The following SLCO1B3 variants were observed in gnomAD, a reference collection of about 807,000 sequenced individuals.
SLCO1B3 encodes the protein liver-specific organic anion transporter 2.
In SLCO1B3, 72 loss-of-function variants were observed where a neutral mutation model predicts 71.8. The observed-to-expected ratio is 1.00, with a 90% CI of 0.83 to 1.22. The LOEUF is 1.22. Ranked by LOEUF, SLCO1B3 falls within the 50% of genes most tolerant of loss-of-function variation. SLCO1B3 has a pLI of 0.00. For synonymous variants in SLCO1B3, 298 were observed against 278.4 expected (o/e 1.07, Z -0.70); for missense variants, 911 against 819.7 (o/e 1.11, Z -1.36).
chr12:20,858,493 C>G lies in SLCO1B3; in HGVS notation c.281C>G (p.Pro94Arg). 2 of 1,598,724 alleles carry G rather than the reference C, an allele frequency of 1.3e-6. No homozygotes were observed. The highest frequency in any genetic ancestry group is 1.7e-6 in the Non-Finnish European group (2 of 1,166,304). The stretch of plus-strand genomic sequence containing the variant: ...TACTTTGGATCTAAACTACACAGAC[C>G]GAAGTTAATTGGAATTGGTTGTCTC... ...VSYFGSKLHR[P>R]KLIGIGCLLM... is the part of the protein sequence containing the mutation. The change falls in exon 5 of 16, where the codon CCG (proline) becomes CGG (arginine). Residue 94 changes from proline (P) to arginine (R), a missense_variant. Transcript: ENST00000381545.
intron 15 of SLCO1B3, among the ~76,000 whole-genome samples, chr12:20,915,217 T>A (rs1195092516): frequency 6.6e-6 from 1 of 152,138 alleles, no homozygotes; most frequent in African/African-American, 2.4e-5. Flanking sequence ...CTTTTTTTAT[T>A]GATATAAACT....
At chr12:20,869,021 A>G (rs7978712) in intron 8 of SLCO1B3, among the ~76,000 whole-genome samples, 110,016 of 151,932 alleles carry the variant, frequency 0.72, 42,447 homozygotes, top group South Asian at 0.9. Flanking sequence ...CGGACTAGGA[A>G]CGTGACCACT....
At chr12:20,831,930 A>G (rs777244537) in intron 3 of SLCO1B3, among the ~76,000 whole-genome samples, 1 of 152,198 alleles carries the variant, frequency 6.6e-6, no homozygotes, top group Non-Finnish European at 1.5e-5. Flanking sequence ...CCACAGTTCC[A>G]TCAACCAGAT....
At chr12:20,890,565 T>C (rs1469702090) in intron 13 of SLCO1B3, among the ~76,000 whole-genome samples, 1 of 152,200 alleles carries the variant, frequency 6.6e-6, no homozygotes, top group Non-Finnish European at 1.5e-5. Flanking sequence ...TGTAAAAGTT[T>C]CTTTGTCGAT....
intron 3 of SLCO1B3, among the ~76,000 whole-genome samples, chr12:20,829,697 A>G (rs555573101): frequency 6.6e-5 from 10 of 152,222 alleles, no homozygotes; most frequent in Non-Finnish European, 1.3e-4. Context: ...TTATTAAGAA[A>G]GTAAAGGAAT....
intron 15 of SLCO1B3, among the ~76,000 whole-genome samples, chr12:20,910,579 C>T (rs1252663266): frequency 1.3e-5 from 2 of 152,150 alleles, no homozygotes; most frequent in African/African-American, 4.8e-5. Context: ...TCTTACGATA[C>T]TGTACATGAA....
intron 3 of SLCO1B3, among the ~76,000 whole-genome samples, chr12:20,848,265 G>A (rs1864955313): frequency 6.6e-6 from 1 of 152,136 alleles, no homozygotes; most frequent in South Asian, 2.1e-4. Context: ...ATAGTGAATT[G>A]CCAATTCAAA....
intron 3 of SLCO1B3, among the ~76,000 whole-genome samples, chr12:20,850,255 A>ATTTTTTTT (rs1555154814): frequency 5.6e-5 from 7 of 124,396 alleles, no homozygotes; most frequent in Admixed American, 1.6e-4. Flanking sequence ...TATTATTATT[A>ATTTTTTTT]TTTTATTTAT....
chr12:20,880,576 TTC>T (rs1407461160), intron 11 of SLCO1B3, among the ~76,000 whole-genome samples: 2 of 152,212 alleles, frequency 1.3e-5, no homozygotes, highest in African/African-American at 4.8e-5. Flanking sequence ...CCTCTTTTAT[TTC>T]TTTTTTAATT....
In SLCO1B3 at chr12:20,860,201, C is replaced by T. The variant is rs551064238; in HGVS notation, c.360-816C>T. Among the ~76,000 whole-genome samples, 20 of 152,160 alleles carry T rather than the reference C, an allele frequency of 1.3e-4. No individual in the cohort carries two copies. The South Asian group carries it at 3.3e-3, about 25-fold the overall frequency. On this transcript the variant is annotated intron_variant, in intron 5 of 15. Coordinates refer to ENST00000381545, the MANE Select transcript of SLCO1B3 (RefSeq NM_019844.4). The stretch of plus-strand genomic sequence containing the variant: ...GGATCTCCTGACCTCGTGATCTGCC[C>T]GCCTCCACCTCCCAAAGTGCTGGGA...
chr12:20,845,061 C>T (rs1864886516), intron 3 of SLCO1B3: 2 of 355,518 alleles, frequency 5.6e-6, no homozygotes, highest in Middle Eastern at 6.5e-4. Context: ...CCAGTTCTAT[C>T]CCTCTAAGTT....
At chr12:20,831,365 A>AG in intron 3 of SLCO1B3, among the ~76,000 whole-genome samples, 1 of 151,830 alleles carries the variant, frequency 6.6e-6, no homozygotes, top group African/African-American at 2.4e-5. Flanking sequence ...TCAAAAAAAA[A>AG]AAAAAAAAAA....
At chr12:20,874,749 C>T (rs1865544463) in intron 8 of SLCO1B3, among the ~76,000 whole-genome samples, 1 of 152,160 alleles carries the variant, frequency 6.6e-6, no homozygotes, top group Non-Finnish European at 1.5e-5. Context: ...GTTGCAAATG[C>T]AGGTTCCTGG....
At chr12:20,871,802 A>G (rs1865480051) in intron 8 of SLCO1B3, among the ~76,000 whole-genome samples, 1 of 152,118 alleles carries the variant, frequency 6.6e-6, no homozygotes, top group African/African-American at 2.4e-5. Flanking sequence ...TGGCCCCCCA[A>G]CCACTGAGAC....
At chr12:20,872,342 G>T (rs536423180) in intron 8 of SLCO1B3, among the ~76,000 whole-genome samples, 3 of 150,666 alleles carry the variant, frequency 2.0e-5, no homozygotes, top group South Asian at 2.1e-4. Context: ...CTTGCCTCTG[G>T]CCCAGGGCAG....
intron 15 of SLCO1B3, 89 bp from the exon 16 acceptor site, chr12:20,915,915 T>C: frequency 1.0e-6 from 1 of 964,482 alleles, no homozygotes; most frequent in Non-Finnish European, 1.5e-6. Flanking sequence ...TTTTTCTTTC[T>C]TTTAAGATAT....
chr12:20,886,885 T>A (rs1865801452), intron 13 of SLCO1B3, among the ~76,000 whole-genome samples: 2 of 152,096 alleles, frequency 1.3e-5, no homozygotes, highest in Admixed American at 6.6e-5. Flanking sequence ...TCCCACACTT[T>A]AGGGTCTCCA....
At chr12:20,825,333 G>A (rs776893381) in intron 3 of SLCO1B3, among the ~76,000 whole-genome samples, 1 of 152,082 alleles carries the variant, frequency 6.6e-6, no homozygotes, top group East Asian at 1.9e-4. Flanking sequence ...CAGTCCCTGG[G>A]ATTAGAGGGG....
intron 13 of SLCO1B3, among the ~76,000 whole-genome samples, chr12:20,883,932 G>A (rs190173011): frequency 6.6e-6 from 1 of 152,124 alleles, no homozygotes; most frequent in Admixed American, 6.5e-5. Flanking sequence ...GCATCCTAAT[G>A]AGCCAGTTAA....
Sources: allele counts gnomAD v4.1 joint callset (sites outside exome capture counted in the v4.1 genomes callset), GRCh38; gene constraint gnomAD v4.1.1; transcripts MANE v1.5; gene names NCBI Gene and HGNC (gene_info 2026-07-23, HGNC 2026-07-21).